The following DACH2 variants were observed in gnomAD, a reference collection of about 807,000 sequenced individuals.
The protein encoded by DACH2 is dachshund homolog 2.
Under a neutral mutation model 35.8 loss-of-function variants are expected in DACH2, and 17 were observed. That is an observed-to-expected ratio of 0.48 (90% confidence interval 0.33 to 0.71). The LOEUF is 0.71. DACH2 is among the 30% of genes least tolerant of loss of function. DACH2 has a pLI of 0.02. For missense variants in DACH2, 469 were observed against 472.7 expected (o/e 0.99, Z 0.07); for synonymous variants, 195 against 177.3 (o/e 1.10, Z -0.79).
At chrX:86,225,938 G>C (rs2032814055) in intron 1 of DACH2, among the ~76,000 whole-genome samples, 2 of 111,258 alleles carry the variant, frequency 1.8e-5, no homozygotes, top group Non-Finnish European at 1.9e-5. Flanking sequence ...GTAGCTAGCA[G>C]GTACTAGAAC....
intron 6 of DACH2, among the ~76,000 whole-genome samples, chrX:86,719,924 T>A (rs866171169): frequency 4.1e-5 from 3 of 72,611 alleles, no homozygotes. Context: ...TCTTTTTTTT[T>A]CTTTTTTCTT....
chrX:86,737,713 G>A (rs1456665461), intron 6 of DACH2, among the ~76,000 whole-genome samples: 1 of 111,209 alleles, frequency 9.0e-6, no homozygotes, highest in African/African-American at 3.3e-5. Flanking sequence ...CTTTCTATAG[G>A]CTCCAGAGAA....
chrX:86,788,898 T>A, intron 7 of DACH2, among the ~76,000 whole-genome samples: 1 of 111,765 alleles, frequency 8.9e-6, no homozygotes, highest in Middle Eastern at 4.6e-3. Flanking sequence ...ATTTGTTTGT[T>A]TTAAATAGGC....
intron 1 of DACH2, among the ~76,000 whole-genome samples, chrX:86,181,154 G>GTCTACCTA: frequency 9.9e-6 from 1 of 101,489 alleles, no homozygotes; most frequent in African/African-American, 3.7e-5. Flanking sequence ...ATGTCTGACT[G>GTCTACCTA]TCTATCTATC....
rs773876570 is a variant in DACH2, at chrX:86,551,865, A to G, written c.640+37474A>G. ...AGGTTGTGGAACTTTGAAGCTTTCA[A>G]TGTATACAAGTGTGGTTCTAAGTGT... On this transcript the variant is annotated intron_variant, in intron 3 of 11. Coordinates refer to ENST00000373125, the MANE Select transcript of DACH2 (RefSeq NM_053281.3). Among the ~76,000 whole-genome samples, 10 of 111,869 alleles carry G rather than the reference A, an allele frequency of 8.9e-5. No individual in the cohort carries two copies. The East Asian group carries it at 2.6e-3, about 29-fold the overall frequency.
intron 7 of DACH2, among the ~76,000 whole-genome samples, chrX:86,798,112 A>G (rs1032997358): frequency 5.4e-5 from 6 of 112,141 alleles, no homozygotes; most frequent in Non-Finnish European, 1.1e-4. Flanking sequence ...ACATTAGTGG[A>G]TCTCAGAAGT....
rs1405440488 is a variant in DACH2 at position 86,588,293 on chromosome X, A to G, written c.641-62743A>G. Among the ~76,000 whole-genome samples the G allele has an allele frequency of 3.6e-5, 4 of 110,949 alleles. No individual in the cohort carries two copies. In the Admixed American group the frequency reaches 3.9e-4, roughly 11 times the overall value. On this transcript the variant is annotated intron_variant, in intron 3 of 11. Transcript: ENST00000373125. ...AGCCTTATAGTATAGATTGAATCTG[A>G]TAACATGATGCCTTTGGCTTTTTTC...
In DACH2 at chrX:86,832,287, T is replaced by C; in HGVS notation, c.*132T>C. 4 of 525,392 alleles carry C rather than the reference T, an allele frequency of 7.6e-6. No individual in the cohort carries two copies. The highest frequency in any genetic ancestry group is 4.7e-5 in the African/African-American group (2 of 42,161). The allele number at this position is 525,392 out of a possible 1,213,427, so 43.3% of individuals were successfully genotyped here. A position where few individuals can be genotyped will look rare whatever the true frequency, so the allele number is the denominator to read the frequency against. On this transcript the variant is annotated 3_prime_UTR_variant, in exon 12 of 12. Transcript: ENST00000373125. The stretch of plus-strand genomic sequence containing the variant: ...TTTACTGAAGGAGCTATTTAATCTA[T>C]GTTACATTAAAAAAGAAACGCGTGT...
intron 7 of DACH2, among the ~76,000 whole-genome samples, chrX:86,809,011 T>TAA (rs992861701): frequency 9.0e-5 from 10 of 111,715 alleles, no homozygotes; most frequent in African/African-American, 3.2e-4. Flanking sequence ...CTCTACGAAA[T>TAA]AAGTTAAAAT....
At chrX:86,457,678 T>C (rs1348531596) in intron 2 of DACH2, among the ~76,000 whole-genome samples, 3 of 112,348 alleles carry the variant, frequency 2.7e-5, no homozygotes, top group Non-Finnish European at 3.8e-5. Context: ...ATGAAATAAG[T>C]ACTATGAAGA....
At chrX:86,305,553 A>G (rs1183450976) in intron 1 of DACH2, among the ~76,000 whole-genome samples, 3 of 111,754 alleles carry the variant, frequency 2.7e-5, no homozygotes, top group Non-Finnish European at 5.6e-5. Context: ...CAAATTATAG[A>G]CTACAAAAGC....
At chrX:86,761,496 T>C (rs1353854259) in intron 7 of DACH2, among the ~76,000 whole-genome samples, 2 of 111,558 alleles carry the variant, frequency 1.8e-5, no homozygotes, top group African/African-American at 6.5e-5. Flanking sequence ...TGGCGATTCC[T>C]CAAGGATCTA....
intron 1 of DACH2, among the ~76,000 whole-genome samples, chrX:86,314,268 A>C (rs962561688): frequency 9.0e-6 from 1 of 111,355 alleles, no homozygotes; most frequent in Non-Finnish European, 1.9e-5. Flanking sequence ...TTTAATTACA[A>C]CACTTTGGGA....
chrX:86,249,357 G>A (rs2033353260), intron 1 of DACH2, among the ~76,000 whole-genome samples: 2 of 110,814 alleles, frequency 1.8e-5, no homozygotes. Flanking sequence ...AAATGAACAA[G>A]AAAAAGAAAC....
chrX:86,238,920 A>T (rs1263857485), intron 1 of DACH2, among the ~76,000 whole-genome samples: 2 of 111,429 alleles, frequency 1.8e-5, no homozygotes, highest in East Asian at 5.6e-4. Context: ...TCATGATAAG[A>T]TAATTCAGCT....
At chrX:86,824,349 C>T (rs755163879) in intron 11 of DACH2, among the ~76,000 whole-genome samples, 29 of 111,818 alleles carry the variant, frequency 2.6e-4, no homozygotes, top group Non-Finnish European at 1.9e-4. Context: ...CTATTTTGCC[C>T]AACCCCACAG....
intron 3 of DACH2, among the ~76,000 whole-genome samples, chrX:86,642,768 C>T (rs1311709633): frequency 8.9e-6 from 1 of 111,921 alleles, no homozygotes; most frequent in African/African-American, 3.2e-5. Flanking sequence ...TTTCAGACCA[C>T]AGCTCAATAA....
At chrX:86,181,440 G>T (rs1321163508) in intron 1 of DACH2, among the ~76,000 whole-genome samples, 1 of 111,012 alleles carries the variant, frequency 9.0e-6, no homozygotes, top group African/African-American at 3.3e-5. Flanking sequence ...GCGATGTTTG[G>T]TTTTCTGTTC....
chrX:86,831,231 T>C (rs1431237633), intron 11 of DACH2: 1 of 111,757 alleles, frequency 8.9e-6, no homozygotes, highest in Non-Finnish European at 1.9e-5. Context: ...CTTGACCAGA[T>C]TGACTTAATA....
Sources: gnomAD v4.1 joint callset for allele counts (sites outside exome capture counted in the v4.1 genomes callset) on GRCh38, gnomAD v4.1.1 for gene constraint, MANE v1.5 for transcripts, NCBI Gene and HGNC (gene_info 2026-07-23, HGNC 2026-07-21) for gene names.